Variants in PRELID2 observed in about 807,000 individuals in gnomAD.
PRELID2 encodes PRELI domain-containing protein 2.
Under a neutral mutation model 28.4 loss-of-function variants are expected in PRELID2, and 25 were observed. The observed-to-expected ratio is 0.88, with a 90% CI of 0.64 to 1.23. The LOEUF (loss-of-function observed/expected upper bound fraction) is 1.23. Ranked by LOEUF, PRELID2 falls within the 50% of genes most tolerant of loss-of-function variation. The probability of loss-of-function intolerance (pLI) is 0.00; values close to 1 mark genes in which losing one functional copy is unlikely to be tolerated. For missense variants in PRELID2, 201 were observed against 214.4 expected (o/e 0.94, Z 0.39); for synonymous variants, 76 against 71.6 (o/e 1.06, Z -0.31).
the PRELID2 span, among the ~76,000 whole-genome samples, chr5:145,414,395 T>G: frequency 6.6e-6 from 1 of 152,198 alleles, no homozygotes. Context: ...CCAGGCCTGC[T>G]GAAAATCTGT....
chr5:145,569,862 T>C (rs926591127), intron 1 of PRELID2, among the ~76,000 whole-genome samples: 9 of 152,192 alleles, frequency 5.9e-5, no homozygotes, highest in Non-Finnish European at 8.8e-5. Context: ...TTTGTAAGTC[T>C]TTGCTCAGAA....
At chr5:145,407,869 T>C in the PRELID2 span, among the ~76,000 whole-genome samples, 2 of 152,024 alleles carry the variant, frequency 1.3e-5, no homozygotes, top group African/African-American at 4.8e-5. Flanking sequence ...TAAACAAAAC[T>C]ACAGCCAAGG....
At chr5:145,602,151 T>C (rs1351780363) in intron 1 of PRELID2, among the ~76,000 whole-genome samples, 1 of 152,184 alleles carries the variant, frequency 6.6e-6, no homozygotes, top group African/African-American at 2.4e-5. Context: ...AGAAGGCTGG[T>C]ATATAAAATA....
chr5:145,582,138 C>G (rs1753112592), intron 1 of PRELID2, among the ~76,000 whole-genome samples: 3 of 152,036 alleles, frequency 2.0e-5, no homozygotes, highest in African/African-American at 7.2e-5. Context: ...GATCCCCACT[C>G]TATCACCTAC....
At chr5:145,321,343 T>G in the PRELID2 span, among the ~76,000 whole-genome samples, 1 of 152,208 alleles carries the variant, frequency 6.6e-6, no homozygotes, top group Non-Finnish European at 1.5e-5. Flanking sequence ...ACAATTTAGG[T>G]AGCACTCTTT....
intron 4 of PRELID2, 74 bp downstream of exon 4, chr5:145,817,820 T>G: frequency 7.9e-7 from 1 of 1,267,516 alleles, no homozygotes; most frequent in Non-Finnish European, 1.1e-6. Flanking sequence ...TATAGAACCA[T>G]AGATTTTTAA....
At chr5:145,467,391 T>C (rs1365821985), downstream of PRELID2, among the ~76,000 whole-genome samples, 2 of 152,042 alleles carry the variant, frequency 1.3e-5, no homozygotes, top group African/African-American at 2.4e-5. Flanking sequence ...ATAGTGGCTC[T>C]CCAGGAAATA....
intron 1 of PRELID2, among the ~76,000 whole-genome samples, chr5:145,563,520 G>A (rs1580978716): frequency 6.6e-6 from 1 of 152,290 alleles, no homozygotes; most frequent in East Asian, 1.9e-4. Flanking sequence ...TCCAGATGAG[G>A]AACTGAGGTC....
chr5:145,632,852 C>G (rs1456301768), intron 1 of PRELID2, among the ~76,000 whole-genome samples: 1 of 152,158 alleles, frequency 6.6e-6, no homozygotes, highest in Non-Finnish European at 1.5e-5. Flanking sequence ...AAAAAGAAGC[C>G]TATCCTAAGT....
Position 145,548,008 on chromosome 5 carries a change from G to A in PRELID2, n.71-74693C>T, listed in dbSNP as rs200815407. Among the ~76,000 whole-genome samples, 4 of 152,258 alleles carry A rather than the reference G, an allele frequency of 2.6e-5. No individual in the cohort carries two copies. The East Asian group carries it at 7.7e-4, about 29-fold the overall frequency. On this transcript the variant is annotated intron_variant and non_coding_transcript_variant, in intron 1 of 2. Transcript: ENST00000510259. The stretch of plus-strand genomic sequence containing the variant: ...TATCAAATTGACTCCCCTCCTAAAA[G>A]CCATCTGTGTATAATGACTCCCTTG...
downstream of PRELID2, chr5:145,754,056 T>G (rs1376942422): frequency 6.6e-6 from 1 of 152,146 alleles, no homozygotes; most frequent in Non-Finnish European, 1.5e-5. Context: ...CAGCCTGAAT[T>G]CAAGGATGTC....
the PRELID2 span, among the ~76,000 whole-genome samples, chr5:145,238,115 C>T: frequency 8.5e-5 from 13 of 152,096 alleles, no homozygotes; most frequent in African/African-American, 3.1e-4. Context: ...TTCACTGTAA[C>T]AAGTTTGGTT....
chr5:145,779,528 A>AT (rs1758647436), intron 5 of PRELID2, among the ~76,000 whole-genome samples: 1 of 5,696 alleles, frequency 1.8e-4, no homozygotes, highest in Admixed American at 2.1e-3. Context: ...TGTGAAAGGG[A>AT]TTATAAAATA....
At chr5:145,786,206 A>C (rs1751984203) in intron 5 of PRELID2, among the ~76,000 whole-genome samples, 1 of 152,240 alleles carries the variant, frequency 6.6e-6, no homozygotes, top group African/African-American at 2.4e-5. Flanking sequence ...ACAACTCAGC[A>C]TACAGGTTGG....
intron 1 of PRELID2, among the ~76,000 whole-genome samples, chr5:145,579,629 G>C (rs1318752222): frequency 1.3e-5 from 2 of 152,052 alleles, no homozygotes; most frequent in East Asian, 1.9e-4. Context: ...GAATCATTGA[G>C]TCACCTGCAT....
At chr5:145,273,220 AG>A in the PRELID2 span, among the ~76,000 whole-genome samples, 1 of 152,130 alleles carries the variant, frequency 6.6e-6, no homozygotes, top group Non-Finnish European at 1.5e-5. Context: ...TTATTTTCCT[AG>A]GGGTTCTACT....
chr5:145,347,700 A>T, the PRELID2 span, among the ~76,000 whole-genome samples: 1 of 151,964 alleles, frequency 6.6e-6, no homozygotes, highest in Non-Finnish European at 1.5e-5. Context: ...ACCCCCTTTG[A>T]GTAAATAATA....
the PRELID2 span, among the ~76,000 whole-genome samples, chr5:145,301,076 T>A: frequency 6.6e-6 from 1 of 152,128 alleles, no homozygotes; most frequent in Non-Finnish European, 1.5e-5. Context: ...AAAAGAGTTA[T>A]CCCAATGTGA....
At chr5:145,599,236 G>A (rs1037163047) in intron 1 of PRELID2, among the ~76,000 whole-genome samples, 3 of 152,306 alleles carry the variant, frequency 2.0e-5, no homozygotes, top group South Asian at 2.1e-4. Context: ...ATTCAAGGCT[G>A]AAAGTCTATT....
Sources: gnomAD v4.1 joint callset for allele counts (sites outside exome capture counted in the v4.1 genomes callset) on GRCh38, gnomAD v4.1.1 for gene constraint, MANE v1.5 for transcripts, NCBI Gene and HGNC (gene_info 2026-07-23, HGNC 2026-07-21) for gene names.